The following TRPM6 variants were observed in gnomAD, a reference collection of about 807,000 sequenced individuals.
TRPM6 encodes the protein transient receptor potential cation channel subfamily M member 6, also known as channel kinase 2.
Under a neutral mutation model 247.6 loss-of-function variants are expected in TRPM6, and 111 were observed. The ratio of observed to expected loss-of-function variants is 0.45; its 90% CI spans 0.38 to 0.52. The LOEUF (loss-of-function observed/expected upper bound fraction) is 0.52, where lower values mean the gene tolerates loss of function less well. Ranked by LOEUF, TRPM6 falls within the 20% of genes least tolerant of loss-of-function variation. The probability of loss-of-function intolerance (pLI) is 0.00; values close to 1 mark genes in which losing one functional copy is unlikely to be tolerated. For missense variants in TRPM6, 2,126 were observed against 2,421.5 expected, an observed-to-expected ratio of 0.88 and a Z score of 2.56; for synonymous variants, 892 against 853.8, an observed-to-expected ratio of 1.04 and a Z score of -0.78.
chr9:74,753,913 C>T (rs1373675328), intron 28 of TRPM6, among the ~76,000 whole-genome samples: 1 of 152,164 alleles, frequency 6.6e-6, no homozygotes, highest in Non-Finnish European at 1.5e-5. Flanking sequence ...AGCTTTACCT[C>T]TCCCTCTGAT....
At chr9:74,763,303 T>C (rs963897026) in intron 25 of TRPM6, among the ~76,000 whole-genome samples, 169 bp from the exon 26 acceptor site, 1 of 152,192 alleles carries the variant, frequency 6.6e-6, no homozygotes, top group African/African-American at 2.4e-5. Flanking sequence ...TCAACTCAGG[T>C]GATCTCATCC....
chr9:74,887,834 T>C lies in TRPM6; in HGVS notation c.23A>G (p.Glu8Gly). Residue 8 changes from glutamate (E) to glycine (G), a missense_variant, in exon 1 of 39, where the codon GAG (glutamate) becomes GGG (glycine). Physicochemically the swap from Glu to Gly is moderately conservative, Grantham distance 98. Coordinates refer to ENST00000360774, the MANE Select transcript of TRPM6 (RefSeq NM_017662.5). ...GCAGCCTGAGCTTACCTGCAAGCGC[T>C]CCAAGACAGGTTGTTCTTTCATCTT... MKEQPVL[E>G]RLQSQKSWIK... The C allele has an allele frequency of 1.2e-6, 2 of 1,614,118 alleles. No individual in the cohort carries two copies. The highest frequency in any genetic ancestry group is 1.7e-6 in the Non-Finnish European group (2 of 1,180,038).
chr9:74,771,061 C>T (rs1291949633), intron 25 of TRPM6, among the ~76,000 whole-genome samples: 3 of 152,178 alleles, frequency 2.0e-5, no homozygotes, highest in Non-Finnish European at 4.4e-5. Context: ...CATCTACCTC[C>T]TCCTCCCCTC....
chr9:74,755,575 C>G, intron 27 of TRPM6, 102 bp from the exon 28 acceptor site: 1 of 1,434,740 alleles, frequency 7.0e-7, no homozygotes, highest in Non-Finnish European at 9.7e-7. Flanking sequence ...TCTGTTAACA[C>G]TGGCTGCATA....
intron 1 of TRPM6, 136 bp downstream of exon 1, chr9:74,887,688 A>C (rs1831582671): frequency 1.2e-6 from 2 of 1,607,772 alleles, no homozygotes; most frequent in Non-Finnish European, 1.7e-6. Context: ...CCGGTATTTC[A>C]TAAATCCTAG....
chr9:74,777,145 G>A (rs1288422950), intron 23 of TRPM6, among the ~76,000 whole-genome samples: 1 of 152,182 alleles, frequency 6.6e-6, no homozygotes, highest in East Asian at 1.9e-4. Flanking sequence ...CTGAGAACAT[G>A]TCAGAAATGC....
intron 21 of TRPM6, 43 bp downstream of exon 21, chr9:74,785,830 AT>A (rs1827640329): frequency 6.2e-7 from 1 of 1,612,796 alleles, no homozygotes; most frequent in African/African-American, 1.3e-5. Context: ...GCTAAAAATA[AT>A]TTTAAAAAAG....
intron 32 of TRPM6, among the ~76,000 whole-genome samples, chr9:74,743,697 TACTC>T (rs1010947654): frequency 1.1e-4 from 17 of 152,150 alleles, no homozygotes; most frequent in African/African-American, 4.1e-4. Flanking sequence ...TCAGTGATCA[TACTC>T]ACTGAGGCCC....
chr9:74,877,514 T>G (rs994372064), intron 1 of TRPM6, among the ~76,000 whole-genome samples: 11 of 152,084 alleles, frequency 7.2e-5, no homozygotes, highest in African/African-American at 2.2e-4. Flanking sequence ...GTGCCATTTT[T>G]AGAGTCCAGC....
chr9:74,806,267 T>A (rs555164238), intron 14 of TRPM6, among the ~76,000 whole-genome samples: 4 of 151,576 alleles, frequency 2.6e-5, no homozygotes, highest in East Asian at 1.9e-4. Context: ...ATAGGCTTTT[T>A]AAAAATTTAT....
chr9:74,770,910 C>A (rs933865530), intron 25 of TRPM6, among the ~76,000 whole-genome samples: 1 of 152,162 alleles, frequency 6.6e-6, no homozygotes, highest in Non-Finnish European at 1.5e-5. Flanking sequence ...AATACTTCTC[C>A]CAAAAGCCAC....
chr9:74,836,126 CCT>C (rs1022158107), intron 5 of TRPM6, among the ~76,000 whole-genome samples: 69 of 152,166 alleles, frequency 4.5e-4, no homozygotes, highest in African/African-American at 1.6e-3. Context: ...CCTACTCATC[CCT>C]CTCCCCCCTC....
chr9:74,779,904 T>C (rs1351510354), intron 23 of TRPM6, among the ~76,000 whole-genome samples: 1 of 152,230 alleles, frequency 6.6e-6, no homozygotes, highest in African/African-American at 2.4e-5. Context: ...CTGGGCGCAG[T>C]GGCTCACACC....
chr9:74,817,118 A>T (rs1394468900), intron 9 of TRPM6, among the ~76,000 whole-genome samples, 154 bp from the exon 10 acceptor site: 1 of 152,246 alleles, frequency 6.6e-6, no homozygotes, highest in Non-Finnish European at 1.5e-5. Context: ...AAACTTTTAA[A>T]TAGGGTAACA....
chr9:74,879,599 G>A (rs1222117495), intron 1 of TRPM6, among the ~76,000 whole-genome samples: 1 of 151,958 alleles, frequency 6.6e-6, no homozygotes, highest in Non-Finnish European at 1.5e-5. Flanking sequence ...TCCCAGAGAG[G>A]GTCCCACCCT....
At chr9:74,887,574 G>C in intron 1 of TRPM6, 2 of 1,486,346 alleles carry the variant, frequency 1.3e-6, no homozygotes, top group South Asian at 2.4e-5. Flanking sequence ...CGCTATGGCC[G>C]CATCCCAGCT....
chr9:74,736,074 T>C (rs1825684545), intron 36 of TRPM6, among the ~76,000 whole-genome samples: 1 of 152,228 alleles, frequency 6.6e-6, no homozygotes, highest in Non-Finnish European at 1.5e-5. Flanking sequence ...AACCTCCATA[T>C]TAAAGAGTCA....
At chr9:74,859,845 G>A (rs576950866) in intron 1 of TRPM6, among the ~76,000 whole-genome samples, 43 of 152,036 alleles carry the variant, frequency 2.8e-4, no homozygotes, top group African/African-American at 9.6e-4. Context: ...GAGATGAAAG[G>A]AAGGCTTTCT....
chr9:74,789,970 A>AG (rs1827842990), intron 19 of TRPM6, among the ~76,000 whole-genome samples: 1 of 90,740 alleles, frequency 1.1e-5, no homozygotes, highest in Admixed American at 9.8e-5. Flanking sequence ...CAAAAAAAAA[A>AG]AAAAAAAAAA....
Sources: gnomAD v4.1 joint callset for allele counts (sites outside exome capture counted in the v4.1 genomes callset) on GRCh38, gnomAD v4.1.1 for gene constraint, MANE v1.5 for transcripts, NCBI Gene and HGNC (gene_info 2026-07-23, HGNC 2026-07-21) for gene names.